Variants in AHNAK observed in about 807,000 individuals in gnomAD.
AHNAK encodes neuroblast differentiation-associated protein AHNAK.
AHNAK carries 23 observed loss-of-function variants against 37.8 expected under a neutral mutation model. The observed-to-expected ratio is 0.61, with a 90% CI of 0.44 to 0.86. AHNAK has a LOEUF of 0.86. Among genes scored for constraint, AHNAK ranks in the 40% least tolerant of loss-of-function variants. The probability of loss-of-function intolerance (pLI) is 0.00; values close to 1 mark genes in which losing one functional copy is unlikely to be tolerated. For missense variants in AHNAK, 7,411 were observed against 7,319.4 expected (o/e 1.01, Z -0.46); for synonymous variants, 2,481 against 2,636.3 (o/e 0.94, Z 1.80).
downstream of AHNAK, among the ~76,000 whole-genome samples, chr11:62,510,992 G>A (rs1240502024): frequency 6.6e-6 from 1 of 152,108 alleles, no homozygotes; most frequent in Non-Finnish European, 1.5e-5. Flanking sequence ...CACAGCTAAT[G>A]CAAAATACCA....
chr11:62,476,323 A>G (rs1054986750), intron 5 of AHNAK, among the ~76,000 whole-genome samples: 1 of 152,206 alleles, frequency 6.6e-6, no homozygotes, highest in Non-Finnish European at 1.5e-5. Context: ...TGGCAGGCAG[A>G]GGTTGTAATG....
At position 62,517,323 on chromosome 11, in the gene AHNAK, G is replaced by A. The variant is rs367891894; in HGVS notation, c.17094C>T (p.Gly5698=). The change falls in exon 5 of 5, where the codon GGC becomes GGT. Residue 5698 remains glycine (G), a synonymous_variant. Transcript: ENST00000378024. ...EASIQAGAGD[G]EWEESEVKLK... Reference sequence around the variant, plus strand: ...GTTTGACTTCAGACTCTTCCCACTCGCCGTCTCCAGCACCAGCTTGGATGC... The same window carrying A: ...GTTTGACTTCAGACTCTTCCCACTCACCGTCTCCAGCACCAGCTTGGATGC... 26 of 1,613,958 alleles carry A rather than the reference G, an allele frequency of 1.6e-5. No homozygotes were observed. Among genetic ancestry groups the A allele is most frequent in the African/African-American group, 5.3e-5 (4 of 74,890 alleles).
chr11:62,504,318 G>A (rs1357001989), intron 4 of AHNAK, among the ~76,000 whole-genome samples: 1 of 151,892 alleles, frequency 6.6e-6, no homozygotes, highest in South Asian at 2.1e-4. Context: ...TCCCTGCCAG[G>A]CCCCCCAGCA....
intron 4 of AHNAK, among the ~76,000 whole-genome samples, chr11:62,495,515 G>A (rs962650804): frequency 7.2e-5 from 11 of 151,726 alleles, no homozygotes; most frequent in Non-Finnish European, 1.0e-4. Flanking sequence ...GGCAGATTAC[G>A]AGGTCAGGAG....
chr11:62,439,495 A>C (rs1358351739), intron 5 of AHNAK, among the ~76,000 whole-genome samples: 1 of 151,914 alleles, frequency 6.6e-6, no homozygotes, highest in East Asian at 1.9e-4. Context: ...CTTTGCAAAC[A>C]CATCCTTCCT....
At position 62,526,785 on chromosome 11, in the gene AHNAK, G is replaced by T. The variant is rs1170898769; in HGVS notation, c.7632C>A (p.Pro2544=). The change falls in exon 5 of 5, where the codon CCC becomes CCA. Residue 2544 remains proline (P), a synonymous_variant. Transcript: ENST00000378024. ...LPKADVDISG[P]KVDIEGPDVN... is the part of the protein sequence containing the mutation. ...CATCAGGGCCTTCAATGTCCACCTT[G>T]GGTCCTGAGATGTCAACGTCAGCCT... 1.2e-6 allele frequency: 2 copies of T among 1,613,170 alleles called. No homozygotes were observed. Among genetic ancestry groups the T allele is most frequent in the Admixed American group, 3.3e-5 (2 of 59,916 alleles).
chr11:62,473,377 G>A (rs1364933354), intron 5 of AHNAK, among the ~76,000 whole-genome samples: 3 of 108,902 alleles, frequency 2.8e-5, no homozygotes, highest in Admixed American at 1.3e-4. Context: ...GCAAAAGGTC[G>A]AGACTCCATC....
intron 5 of AHNAK, among the ~76,000 whole-genome samples, chr11:62,438,198 T>C (rs74643405): frequency 7.1e-6 from 1 of 141,028 alleles, no homozygotes; most frequent in Non-Finnish European, 1.5e-5. Flanking sequence ...TTTTTTTTTT[T>C]CCTGAGACTG....
chr11:62,529,619 AAAC>A lies in AHNAK; in HGVS notation c.4795_4797del (p.Val1599del). On this transcript the variant is annotated inframe_deletion, in exon 5 of 5. Transcript: ENST00000378024. ...AAGTCTCCTTCCACTTTGGGAAGGG[AAAC>A]ATCTACATCAGTTTTCAGTTTAGGG... is the stretch of plus-strand genomic sequence containing the variant. 1 of 1,614,148 alleles carries A rather than the reference AAAC, an allele frequency of 6.2e-7. No individual in the cohort carries two copies. Among genetic ancestry groups the A allele is most frequent in the Non-Finnish European group, 8.5e-7 (1 of 1,180,042 alleles).
Position 62,518,831 on chromosome 11 carries a change from T to C in AHNAK, c.15586A>G (p.Ile5196Val). 6.2e-7 allele frequency: 1 copy of C among 1,614,232 alleles called. No homozygotes were observed. The highest frequency in any genetic ancestry group is 1.1e-5 in the South Asian group (1 of 91,092). ...TTCAAGTTTACATTCACATCAGGGATGGAGACTTGAGGGGCAGAAATGCCG... is the reference window on the plus strand; with the variant it reads ...TTCAAGTTTACATTCACATCAGGGACGGAGACTTGAGGGGCAGAAATGCCG... ...SFGISAPQVS[I>V]PDVNVNLKGP... The change falls in exon 5 of 5, where the codon ATC becomes GTC. Residue 5196 changes from isoleucine to valine, a missense_variant. Physicochemically the swap from Ile to Val is conservative, Grantham distance 29. Coordinates refer to ENST00000378024, the MANE Select transcript of AHNAK (RefSeq NM_001620.3).
rs1365482156 is a variant in AHNAK at position 62,534,979 on chromosome 11, C to G, written c.342+24G>C. Reference sequence around the variant, plus strand: ...GGCATGGCCGGGGGAGCTCAGGGCACAGATGGGCCGGCGAGGTACTCACCA... The same window carrying G: ...GGCATGGCCGGGGGAGCTCAGGGCAGAGATGGGCCGGCGAGGTACTCACCA... On this transcript the variant is annotated intron_variant, in intron 4 of 4. Coordinates refer to ENST00000378024, the MANE Select transcript of AHNAK (RefSeq NM_001620.3). 2.5e-6 allele frequency: 4 copies of G among 1,591,700 alleles called. No individual in the cohort carries two copies. The Admixed American group carries it at 5.0e-5, about 20-fold the overall frequency.
Position 62,531,215 on chromosome 11 carries a change from A to G in AHNAK, c.3202T>C (p.Ser1068Pro). The G allele has an allele frequency of 6.2e-7, 1 of 1,614,070 alleles. No individual in the cohort carries two copies. The highest frequency in any genetic ancestry group is 8.5e-7 in the Non-Finnish European group (1 of 1,180,014). Reference protein sequence around the residue: ...PEMHFRAPKMSLPDVDLDLKG... With the variant: ...PEMHFRAPKMPLPDVDLDLKG... ...AGATCCAGGTCAACATCTGGCAAAG[A>G]CATCTTAGGAGCTCTGAAGTGCATC... Residue 1068 changes from serine (S) to proline (P), a missense_variant, in exon 5 of 5, where the codon TCT (serine) becomes CCT (proline). Physicochemically the swap from Ser to Pro is moderately conservative, Grantham distance 74 (BLOSUM62 -1). Coordinates refer to ENST00000378024, the MANE Select transcript of AHNAK (RefSeq NM_001620.3).
intron 5 of AHNAK, among the ~76,000 whole-genome samples, chr11:62,435,497 GC>G (rs1201781971): frequency 7.2e-5 from 11 of 151,776 alleles, no homozygotes; most frequent in Non-Finnish European, 1.6e-4. Context: ...TGCAGGCTCC[GC>G]CCCCCGGGGT....
rs780939066 is a variant in AHNAK at position 62,522,658 on chromosome 11, T to A, written c.11759A>T (p.Asp3920Val). The A allele has an allele frequency of 6.2e-7, 1 of 1,612,966 alleles. No individual in the cohort carries two copies. The highest frequency in any genetic ancestry group is 8.5e-7 in the Non-Finnish European group (1 of 1,179,750). The change falls in exon 5 of 5, where the codon GAT becomes GTT. Residue 3920 changes from aspartate (D) to valine (V), a missense_variant. Coordinates refer to ENST00000378024, the MANE Select transcript of AHNAK (RefSeq NM_001620.3). ...CCAGTCTGGGCCTCGAACATCCACA[T>A]CTGGGGCATTAATATCCACTTTGGG... is the stretch of plus-strand genomic sequence containing the variant. ...KGPKVDINAP[D>V]VDVRGPDWHL...
chr11:62,518,231 C>T lies in AHNAK; in HGVS notation c.16186G>A (p.Ala5396Thr). The change falls in exon 5 of 5, where the codon GCA becomes ACA. Residue 5396 changes from alanine to threonine, a missense_variant. Ala to Thr is a moderately conservative substitution (Grantham distance 58, BLOSUM62 0). Coordinates refer to ENST00000378024, the MANE Select transcript of AHNAK (RefSeq NM_001620.3). ...GGAAGTTTAATGCTGCCTTCGGATG[C>T]CTCCAAGCTTAGATCAGGAGCTCCT... ...SVGAPDLSLEASEGSIKLPKM... is the reference protein window; with the variant it reads ...SVGAPDLSLETSEGSIKLPKM... 6.2e-7 allele frequency: 1 copy of T among 1,614,174 alleles called. No homozygotes were observed. Among genetic ancestry groups the T allele is most frequent in the Non-Finnish European group, 8.5e-7 (1 of 1,180,030 alleles).
Position 62,528,942 on chromosome 11 carries a change from C to T in AHNAK, c.5475G>A (p.Glu1825=). ...GACACTCCAGATCAACATCGGGCAC[C>T]TCCGCTTCCACAAAAGGACCTTTGA... is the stretch of plus-strand genomic sequence containing the variant. ...VDVKGPFVEA[E]VPDVDLECPD... Residue 1825 remains glutamate, a synonymous_variant, in exon 5 of 5, where the codon GAG becomes GAA. Transcript: ENST00000378024. The T allele has an allele frequency of 1.2e-6, 2 of 1,614,126 alleles. No homozygotes were observed. The highest frequency in any genetic ancestry group is 1.7e-6 in the Non-Finnish European group (2 of 1,180,032).
At chr11:62,445,011 C>T (rs797011901) in intron 5 of AHNAK, among the ~76,000 whole-genome samples, 27 of 152,322 alleles carry the variant, frequency 1.8e-4, no homozygotes, top group African/African-American at 6.5e-4. Flanking sequence ...TGCATGGAGC[C>T]CTCCTTCGGT....
chr11:62,439,664 G>GTTTTTTTTTT lies in AHNAK; in HGVS notation c.443-5774_443-5773insAAAAAAAAAA, dbSNP rs1565194563. Among the ~76,000 whole-genome samples, 13 of 126,418 alleles carry GTTTTTTTTTT rather than the reference G, an allele frequency of 1.0e-4. 1 individual carries two copies. The highest frequency in any genetic ancestry group is 2.6e-4 in the Admixed American group (3 of 11,520). The allele number at this position is 126,418 out of a possible 152,430, so 82.9% of individuals were successfully genotyped here. On this transcript the variant is annotated intron_variant, in intron 5 of 5. Coordinates refer to the AHNAK transcript ENST00000257247. ...TTTGGTTTGTTTTGGATTTTTGTGTGATTTTTTTTTTTTTTTTTTTTGAGA... is the reference window on the plus strand; with the variant it reads ...TTTGGTTTGTTTTGGATTTTTGTGTGTTTTTTTTTTATTTTTTTTTTTTTTTTTTTTGAGA...
chr11:62,449,468 A>G (rs1399783263), intron 5 of AHNAK, among the ~76,000 whole-genome samples: 2 of 152,212 alleles, frequency 1.3e-5, no homozygotes, highest in African/African-American at 4.8e-5. Flanking sequence ...AGGGTCACCC[A>G]GGCCTGAGCT....
Sources: allele counts gnomAD v4.1 joint callset (sites outside exome capture counted in the v4.1 genomes callset), GRCh38; gene constraint gnomAD v4.1.1; transcripts MANE v1.5; gene names NCBI Gene and HGNC (gene_info 2026-07-23, HGNC 2026-07-21).